Variants in RGS12 observed in about 807,000 individuals in gnomAD.
RGS12 encodes the protein regulator of G protein signaling 12, also known as regulator of G-protein signaling 12.
In RGS12, 66 loss-of-function variants were observed where a neutral mutation model predicts 120.1. The ratio of observed to expected loss-of-function variants is 0.55; its 90% CI spans 0.45 to 0.67. The LOEUF (loss-of-function observed/expected upper bound fraction) is 0.67. Ranked by LOEUF, RGS12 falls within the 30% of genes least tolerant of loss-of-function variation. The pLI is 0.00. For synonymous variants in RGS12, 827 were observed against 804.7 expected (o/e 1.03, Z -0.47); for missense variants, 1,859 against 1,957.7 (o/e 0.95, Z 0.95).
At chr4:3,362,550 G>GGT (rs772834235) in intron 3 of RGS12, among the ~76,000 whole-genome samples, 5 of 144,508 alleles carry the variant, frequency 3.5e-5, no homozygotes, top group African/African-American at 1.3e-4. Flanking sequence ...TTTGTGTGAG[G>GGT]GTGTGTGTGA....
At chr4:3,414,949 G>A (rs1202381323) in intron 6 of RGS12, 105 bp downstream of exon 6, 4 of 790,510 alleles carry the variant, frequency 5.1e-6, no homozygotes, top group Non-Finnish European at 8.5e-6. Flanking sequence ...CATGTGAGGG[G>A]TGTGTGTGAG....
At chr4:3,305,123 C>A (rs1723902435) in intron 1 of RGS12, among the ~76,000 whole-genome samples, 1 of 152,264 alleles carries the variant, frequency 6.6e-6, no homozygotes, top group Admixed American at 6.5e-5. Context: ...CTTCCTTGGG[C>A]AGCTCACAGC....
At chr4:3,343,377 C>T (rs935589417) in intron 3 of RGS12, among the ~76,000 whole-genome samples, 8 of 152,164 alleles carry the variant, frequency 5.3e-5, no homozygotes, top group East Asian at 3.8e-4. Flanking sequence ...AAAGACGGGG[C>T]GTGATCCACA....
At position 3,420,591 on chromosome 4, in the gene RGS12, C is replaced by T. The variant is rs766331315; in HGVS notation, c.2762-51C>T. ...GGGGCAGAGGGTTGGGAGATGTGAC[C>T]GAATAAACAGGGTTCTGATTGACGT... On this transcript the variant is annotated intron_variant, in intron 9 of 17. Coordinates refer to ENST00000336727, the MANE Select transcript of RGS12 (RefSeq NM_001394154.1). The T allele has an allele frequency of 2.0e-5, 31 of 1,585,206 alleles. No homozygotes were observed. In the Admixed American group the frequency reaches 2.5e-4, roughly 13 times the overall value.
intron 1 of RGS12, among the ~76,000 whole-genome samples, chr4:3,298,486 G>A (rs1460083461): frequency 3.3e-5 from 5 of 152,118 alleles, no homozygotes; most frequent in African/African-American, 9.7e-5. Flanking sequence ...GAGTAGCTGG[G>A]AACACAAGCA....
chr4:3,335,746 C>G (rs1712388778), intron 2 of RGS12, among the ~76,000 whole-genome samples: 1 of 152,072 alleles, frequency 6.6e-6, no homozygotes, highest in Non-Finnish European at 1.5e-5. Context: ...ATGATCGTAC[C>G]CCTGCGCTCC....
At chr4:3,360,991 G>A (rs1715501706) in intron 3 of RGS12, among the ~76,000 whole-genome samples, 1 of 152,182 alleles carries the variant, frequency 6.6e-6, no homozygotes, top group African/African-American at 2.4e-5. Flanking sequence ...CAAAATAGCA[G>A]TATTCATAAG....
intron 3 of RGS12, 149 bp downstream of exon 3, chr4:3,343,202 G>A (rs557630097): frequency 1.6e-5 from 10 of 607,714 alleles, no homozygotes; most frequent in South Asian, 9.8e-5. Context: ...GGGGGACAGC[G>A]TCCCATGCAC....
chr4:3,391,925 A>G (rs1267738242), intron 4 of RGS12, among the ~76,000 whole-genome samples: 3 of 152,192 alleles, frequency 2.0e-5, no homozygotes, highest in African/African-American at 7.2e-5. Flanking sequence ...ACTTTTCTGT[A>G]TATCTTAATA....
rs1056614161 is a variant in RGS12 at position 3,316,780 on chromosome 4, C to A, written c.610C>A (p.His204Asn). 2 of 1,614,180 alleles carry A rather than the reference C, an allele frequency of 1.2e-6. No homozygotes were observed. The highest frequency in any genetic ancestry group is 4.5e-5 in the East Asian group (2 of 44,880). The stretch of plus-strand genomic sequence containing the variant: ...TAAGGAGGAAATATCAAAAGTTATT[C>A]ATGATGATTCGGTTTTCAGCATTGG... ...LSKEEISKVI[H>N]DDSVFSIGLE... Residue 204 changes from histidine to asparagine, a missense_variant, in exon 2 of 18, where the codon CAT (histidine) becomes AAT (asparagine). Physicochemically the swap from His to Asn is moderately conservative, Grantham distance 68. Coordinates refer to ENST00000336727, the MANE Select transcript of RGS12 (RefSeq NM_001394154.1).
chr4:3,362,186 A>T (rs956145290), intron 3 of RGS12, among the ~76,000 whole-genome samples: 1 of 150,432 alleles, frequency 6.6e-6, no homozygotes, highest in Non-Finnish European at 1.5e-5. Flanking sequence ...GGTGCTGGGG[A>T]CCGAGGTGGG....
At chr4:3,296,112 G>A (rs1181335964) in intron 1 of RGS12, among the ~76,000 whole-genome samples, 1 of 151,510 alleles carries the variant, frequency 6.6e-6, no homozygotes, top group Non-Finnish European at 1.5e-5. Flanking sequence ...TCAGCTTCTG[G>A]GGGCTGGCCT....
chr4:3,310,630 C>T (rs1724331390), intron 1 of RGS12, among the ~76,000 whole-genome samples: 2 of 151,860 alleles, frequency 1.3e-5, no homozygotes, highest in Admixed American at 6.6e-5. Context: ...ATGGCCAGTG[C>T]GGGTCTGCAT....
In RGS12 at chr4:3,318,050, A is replaced by G; in HGVS notation, c.1880A>G (p.Lys627Arg). 6.4e-7 allele frequency: 1 copy of G among 1,556,086 alleles called. No individual in the cohort carries two copies. Among genetic ancestry groups the G allele is most frequent in the East Asian group, 2.3e-5 (1 of 44,090 alleles). The stretch of plus-strand genomic sequence containing the variant: ...GTTCGAAAGACTAAGGAAGATAAAA[A>G]GGTAAGCCTGCCAGGAGCCACTCAG... ...RNVRKTKEDK[K>R]GSKFGRGTGL... The change falls in exon 2 of 18, where the codon AAG (lysine) becomes AGG (arginine). Residue 627 changes from lysine (K) to arginine (R), a missense_variant and splice_region_variant. Lys to Arg is a conservative substitution (Grantham distance 26). Around this residue, in one of 3 missense-constraint regions of RGS12, gnomAD observed 967 missense variants for 994.2 expected, o/e 0.97. Coordinates refer to ENST00000336727, the MANE Select transcript of RGS12 (RefSeq NM_001394154.1).
intron 10 of RGS12, 42 bp downstream of exon 10, chr4:3,420,760 TC>T: frequency 6.6e-7 from 1 of 1,518,998 alleles, no homozygotes. Flanking sequence ...CTCAGGGGTG[TC>T]CCCACCAGCT....
intron 3 of RGS12, among the ~76,000 whole-genome samples, chr4:3,381,054 A>G (rs933769795): frequency 4.6e-5 from 7 of 152,218 alleles, no homozygotes; most frequent in African/African-American, 1.7e-4. Flanking sequence ...TTTCTTCTGC[A>G]TGACACCCTA....
intron 4 of RGS12, among the ~76,000 whole-genome samples, chr4:3,392,009 T>C (rs1285802540): frequency 6.6e-6 from 1 of 152,246 alleles, no homozygotes; most frequent in African/African-American, 2.4e-5. Context: ...TCTGAAAATG[T>C]TAATAGATTT....
At chr4:3,376,183 T>A (rs1397246672) in intron 3 of RGS12, among the ~76,000 whole-genome samples, 1 of 152,172 alleles carries the variant, frequency 6.6e-6, no homozygotes, top group Non-Finnish European at 1.5e-5. Flanking sequence ...TGAAAGGCTG[T>A]CATTTTGGTT....
chr4:3,298,116 A>G (rs1236741294), intron 1 of RGS12, among the ~76,000 whole-genome samples: 1 of 152,142 alleles, frequency 6.6e-6, no homozygotes. Flanking sequence ...AGCTCATAGA[A>G]GCGGCTCTTT....
Sources: gnomAD v4.1 joint callset for allele counts (sites outside exome capture counted in the v4.1 genomes callset) on GRCh38, gnomAD v4.1.1 for gene constraint, gnomAD v4.1.1 regional missense constraint, MANE v1.5 for transcripts, NCBI Gene and HGNC (gene_info 2026-07-23, HGNC 2026-07-21) for gene names.